C1orf94: variants seen among roughly 807,000 people sequenced by gnomAD.
C1orf94 encodes the protein uncharacterized protein C1orf94.
Under a neutral mutation model 53.6 loss-of-function variants are expected in C1orf94, and 45 were observed. The ratio of observed to expected loss-of-function variants is 0.84; its 90% CI spans 0.66 to 1.08. The LOEUF is 1.08. Ranked by LOEUF, C1orf94 falls within the 50% of genes least tolerant of loss-of-function variation. The probability of loss-of-function intolerance (pLI) is 0.00; values close to 1 mark genes in which losing one functional copy is unlikely to be tolerated. For synonymous variants in C1orf94, 304 were observed against 296.1 expected, an observed-to-expected ratio of 1.03 and a Z score of -0.27; for missense variants, 762 against 738.9, an observed-to-expected ratio of 1.03 and a Z score of -0.36.
intron 4 of C1orf94, among the ~76,000 whole-genome samples, chr1:34,207,073 C>G (rs915292601): frequency 1.3e-5 from 2 of 152,150 alleles, no homozygotes; most frequent in South Asian, 4.1e-4. Flanking sequence ...ATCATCAACA[C>G]TTTGGTCATT....
intron 5 of C1orf94, among the ~76,000 whole-genome samples, chr1:34,211,126 G>A (rs906996310): frequency 9.9e-5 from 15 of 152,048 alleles, no homozygotes; most frequent in African/African-American, 1.9e-4. Flanking sequence ...CATCAGCTCC[G>A]TATGAGAAAA....
Position 34,197,806 on chromosome 1 carries a change from C to T in C1orf94, c.902C>T (p.Pro301Leu), listed in dbSNP as rs1208422637. 1.9e-6 allele frequency: 3 copies of T among 1,614,246 alleles called. No homozygotes were observed. The highest frequency in any genetic ancestry group is 1.7e-6 in the Non-Finnish European group (2 of 1,180,044). Residue 301 changes from proline to leucine, a missense_variant, in exon 2 of 7, where the codon CCT becomes CTT. By Grantham distance (98) the Pro-to-Leu change is moderately conservative. Transcript: ENST00000488417. This position sits in a 1 kb window ranked among gnomAD's most constrained non-coding sequence, Gnocchi z 4.1. ...CCTCCCCGACCTCCTCCTGCACGTC[C>T]TGACAAGCTCCCTGAGCTCCCTGCT... ...LLPPRPPPARPDKLPELPAQK... is the reference protein window; with the variant it reads ...LLPPRPPPARLDKLPELPAQK...
intron 6 of C1orf94, among the ~76,000 whole-genome samples, chr1:34,215,153 T>G (rs1328536739): frequency 6.6e-6 from 1 of 152,180 alleles, no homozygotes; most frequent in Non-Finnish European, 1.5e-5. Flanking sequence ...GGCAGCCTCT[T>G]GAGCCAAGAT....
chr1:34,218,691 G>T lies in C1orf94; in HGVS notation c.1727G>T (p.Gly576Val). ...CCACCCTCCCTCTCTTCCAGGTTCGGCTCGACATCCGGAGGGCCCTTGATG... is the reference window on the plus strand; with the variant it reads ...CCACCCTCCCTCTCTTCCAGGTTCGTCTCGACATCCGGAGGGCCCTTGATG... ...QYLFPQGYGF[G>V]STSGGPLMHS... The change falls in exon 7 of 7, where the codon GGC (glycine) becomes GTC (valine). Residue 576 changes from glycine to valine, a missense_variant. Physicochemically the swap from Gly to Val is moderately radical, Grantham distance 109. Coordinates refer to ENST00000488417, the MANE Select transcript of C1orf94 (RefSeq NM_001134734.2). The T allele has an allele frequency of 1.9e-6, 3 of 1,611,104 alleles. No individual in the cohort carries two copies. Among genetic ancestry groups the T allele is most frequent in the Middle Eastern group, 3.3e-4 (2 of 6,046 alleles).
chr1:34,177,231 G>A lies in C1orf94; in HGVS notation c.-559G>A, dbSNP rs1283469428. 2.6e-5 allele frequency among the ~76,000 whole-genome samples: 4 copies of A among 151,954 alleles called. No homozygotes were observed. The highest frequency in any genetic ancestry group is 5.9e-5 in the Non-Finnish European group (4 of 67,900). ...AGGGCGAGAGAAAAGCAGGACCTGG[G>A]CCGGGGGTGGGAGTCGGGCCGTTGA... On this transcript the variant is annotated 5_prime_UTR_variant, in exon 1 of 7. Coordinates refer to ENST00000488417, the MANE Select transcript of C1orf94 (RefSeq NM_001134734.2).
chr1:34,216,226 T>C (rs1287962475), intron 6 of C1orf94, among the ~76,000 whole-genome samples: 1 of 152,102 alleles, frequency 6.6e-6, no homozygotes, highest in East Asian at 1.9e-4. Context: ...GGAGCCATTC[T>C]CATATACATG....
chr1:34,194,744 T>C (rs1053420007), intron 1 of C1orf94, among the ~76,000 whole-genome samples: 1 of 152,202 alleles, frequency 6.6e-6, no homozygotes, highest in African/African-American at 2.4e-5. Context: ...AGATAAGGAC[T>C]CTTTGTTGTT....
chr1:34,190,713 A>G (rs769164560), intron 1 of C1orf94, among the ~76,000 whole-genome samples: 2 of 152,350 alleles, frequency 1.3e-5, no homozygotes, highest in Middle Eastern at 3.4e-3. Context: ...AGATTGCCTC[A>G]GATCACTGGC....
upstream of C1orf94, among the ~76,000 whole-genome samples, chr1:34,174,664 A>G (rs1252185741): frequency 3.9e-5 from 6 of 152,336 alleles, no homozygotes; most frequent in East Asian, 9.6e-4. Flanking sequence ...AGCCAGCGAG[A>G]GAGACTTCAG....
intron 1 of C1orf94, among the ~76,000 whole-genome samples, chr1:34,178,905 TA>T: frequency 6.6e-6 from 1 of 152,260 alleles, no homozygotes; most frequent in East Asian, 1.9e-4. Flanking sequence ...TAAACTTAAT[TA>T]ATGTTCCCAG....
chr1:34,194,031 C>T (rs1463756075), intron 1 of C1orf94, among the ~76,000 whole-genome samples: 1 of 152,052 alleles, frequency 6.6e-6, no homozygotes, highest in Non-Finnish European at 1.5e-5. Flanking sequence ...GAGGTGGTTG[C>T]AGCTGGGGGG....
Position 34,218,863 on chromosome 1 carries a change from G to T in C1orf94, c.*102G>T, listed in dbSNP as rs1643035300. On this transcript the variant is annotated 3_prime_UTR_variant, in exon 7 of 7. Transcript: ENST00000488417. ...TTGGTATGAAGTTTGGAAAAGCAAG[G>T]TTCTGACCAGGTCACAGACAAAACA... 8.4e-6 allele frequency: 8 copies of T among 947,220 alleles called. No homozygotes were observed. In the South Asian group the frequency reaches 1.5e-4, roughly 17 times the overall value. The allele number at this position is 947,220 out of a possible 1,614,324, so 58.7% of individuals were successfully genotyped here. A position where few individuals can be genotyped will look rare whatever the true frequency, so the allele number is the denominator to read the frequency against.
intron 1 of C1orf94, among the ~76,000 whole-genome samples, chr1:34,182,756 C>A (rs577519747): frequency 6.6e-6 from 1 of 152,258 alleles, no homozygotes; most frequent in South Asian, 2.1e-4. Context: ...GGTGTTGAGA[C>A]CGAACACTGG....
intron 1 of C1orf94, among the ~76,000 whole-genome samples, chr1:34,185,874 G>A (rs1452267578): frequency 1.3e-5 from 2 of 152,294 alleles, no homozygotes; most frequent in African/African-American, 2.4e-5. Flanking sequence ...CTAGATGCAC[G>A]TCTTGCTGGT....
chr1:34,172,078 A>C (rs1642153311), upstream of C1orf94, among the ~76,000 whole-genome samples: 1 of 152,220 alleles, frequency 6.6e-6, no homozygotes, highest in African/African-American at 2.4e-5. Flanking sequence ...CATGGAAGCT[A>C]TGGAAGGAAG....
At chr1:34,211,970 A>G (rs1642895807) in intron 5 of C1orf94, among the ~76,000 whole-genome samples, 1 of 152,052 alleles carries the variant, frequency 6.6e-6, no homozygotes, top group Non-Finnish European at 1.5e-5. Flanking sequence ...TATCCCCACT[A>G]ACAACGTAGA....
rs1445868579 is a variant in C1orf94 at position 34,177,868 on chromosome 1, G to A, written c.79G>A (p.Gly27Arg). The A allele has an allele frequency of 9.7e-6, 15 of 1,551,212 alleles. No individual in the cohort carries two copies. The highest frequency in any genetic ancestry group is 2.4e-5 in the East Asian group (1 of 40,910). ...GAAAGAGAGGAGGAGGATGGCCAGC[G>A]GGAATGGGCTTCCTTCATCCTCGGC... is the stretch of plus-strand genomic sequence containing the variant. Reference protein sequence around the residue: ...FQKERRRMASGNGLPSSSALV... With the variant: ...FQKERRRMASRNGLPSSSALV... Residue 27 changes from glycine (G) to arginine (R), a missense_variant, in exon 1 of 7, where the codon GGG (glycine) becomes AGG (arginine). By Grantham distance (125) the Gly-to-Arg change is moderately radical. Coordinates refer to ENST00000488417, the MANE Select transcript of C1orf94 (RefSeq NM_001134734.2).
intron 1 of C1orf94, among the ~76,000 whole-genome samples, chr1:34,188,714 C>G (rs537056462): frequency 6.6e-6 from 1 of 152,164 alleles, no homozygotes; most frequent in Non-Finnish European, 1.5e-5. Context: ...ATCCTCACTG[C>G]GGCCCGGAGG....
chr1:34,206,985 G>A (rs569933315), intron 4 of C1orf94, among the ~76,000 whole-genome samples: 52 of 152,268 alleles, frequency 3.4e-4, no homozygotes, highest in African/African-American at 1.2e-3. Context: ...CAGGAGGAGA[G>A]CAGGGAGACC....
Sources: gnomAD v4.1 joint callset for allele counts (sites outside exome capture counted in the v4.1 genomes callset) on GRCh38, gnomAD v4.1.1 for gene constraint, Gnocchi (gnomAD v3.1) non-coding constraint, MANE v1.5 for transcripts, NCBI Gene and HGNC (gene_info 2026-07-23, HGNC 2026-07-21) for gene names.